Variants in ATOSA observed in about 807,000 individuals in gnomAD.
ATOSA encodes the protein atos homolog A, also known as atos homolog protein A.
chr15:52,611,688 G>A, the ATOSA span: 2 of 1,613,890 alleles, frequency 1.2e-6, no homozygotes, highest in Non-Finnish European at 1.7e-6. Context: ...TGTAGCAGCA[G>A]TCTGGTAGTA....
the ATOSA span, among the ~76,000 whole-genome samples, chr15:52,634,833 A>T: frequency 1.3e-5 from 2 of 152,106 alleles, no homozygotes; most frequent in African/African-American, 4.8e-5. Context: ...AATTCCTGAC[A>T]TCAGGTGATC....
At chr15:52,667,746 C>G in the ATOSA span, among the ~76,000 whole-genome samples, 9 of 152,282 alleles carry the variant, frequency 5.9e-5, no homozygotes, top group African/African-American at 1.9e-4. Context: ...CATGTTGTAT[C>G]TGGGGCTGAA....
the ATOSA span, among the ~76,000 whole-genome samples, chr15:52,698,268 C>T: frequency 7.2e-5 from 11 of 151,968 alleles, no homozygotes; most frequent in Non-Finnish European, 1.6e-4. Flanking sequence ...CATGAGCCAC[C>T]ACGCCTGTTC....
the ATOSA span, chr15:52,587,188 C>T: frequency 6.2e-7 from 1 of 1,613,418 alleles, no homozygotes. Flanking sequence ...TCGATAACCC[C>T]TTTTACCAAG....
At chr15:52,589,932 C>T in the ATOSA span, among the ~76,000 whole-genome samples, 4 of 151,908 alleles carry the variant, frequency 2.6e-5, no homozygotes, top group African/African-American at 4.8e-5. Flanking sequence ...GGATTATAGG[C>T]GCCCACCATC....
the ATOSA span, among the ~76,000 whole-genome samples, chr15:52,647,700 A>T: frequency 6.6e-6 from 1 of 152,198 alleles, no homozygotes; most frequent in Non-Finnish European, 1.5e-5. Context: ...GCAGGGGTCA[A>T]AGGGGTGGGG....
the ATOSA span, chr15:52,582,276 G>A: frequency 1.3e-6 from 2 of 1,586,316 alleles, no homozygotes; most frequent in Non-Finnish European, 8.5e-7. Context: ...TCTCTATGGA[G>A]GTAGATCTTT....
the ATOSA span, among the ~76,000 whole-genome samples, chr15:52,651,570 T>C: frequency 1.2e-4 from 19 of 152,216 alleles, no homozygotes; most frequent in Non-Finnish European, 1.5e-4. Context: ...CTTCCCTGTA[T>C]TCTCATTTCT....
chr15:52,639,893 G>A, the ATOSA span, among the ~76,000 whole-genome samples: 3 of 151,782 alleles, frequency 2.0e-5, no homozygotes, highest in Non-Finnish European at 4.4e-5. Context: ...TAGGATTACA[G>A]GCACCCGCCA....
At chr15:52,667,670 G>A in the ATOSA span, among the ~76,000 whole-genome samples, 1 of 152,142 alleles carries the variant, frequency 6.6e-6, no homozygotes, top group African/African-American at 2.4e-5. Flanking sequence ...GTGAAGAGTT[G>A]AAATGAAATA....
chr15:52,680,832 T>C, the ATOSA span, among the ~76,000 whole-genome samples: 1 of 152,244 alleles, frequency 6.6e-6, no homozygotes, highest in African/African-American at 2.4e-5. Flanking sequence ...TATTGAATAC[T>C]GTATTATGTA....
At chr15:52,590,733 G>T in the ATOSA span, 1 of 152,324 alleles carries the variant, frequency 6.6e-6, no homozygotes, top group African/African-American at 2.4e-5. Context: ...TTCATAGCAG[G>T]AAAGACTGGA....
chr15:52,600,999 T>TG, the ATOSA span: 1 of 785,172 alleles, frequency 1.3e-6, no homozygotes, highest in Non-Finnish European at 2.1e-6. Context: ...ACAATTCTGA[T>TG]GTTTAGAATC....
chr15:52,709,209 A>G, the ATOSA span, among the ~76,000 whole-genome samples: 2 of 152,108 alleles, frequency 1.3e-5, no homozygotes, highest in Non-Finnish European at 2.9e-5. Flanking sequence ...CCCAAAACCC[A>G]CGATTGATCA....
At chr15:52,653,009 C>T in the ATOSA span, among the ~76,000 whole-genome samples, 4 of 152,140 alleles carry the variant, frequency 2.6e-5, no homozygotes, top group Admixed American at 6.6e-5. Context: ...TTCCCCTGAA[C>T]GTCGCATCAA....
the ATOSA span, among the ~76,000 whole-genome samples, chr15:52,616,272 G>T: frequency 6.6e-6 from 1 of 152,192 alleles, no homozygotes; most frequent in Admixed American, 6.5e-5. Context: ...GGTGAGGAAG[G>T]GTTCTACGGT....
At chr15:52,695,676 T>C in the ATOSA span, among the ~76,000 whole-genome samples, 1 of 152,034 alleles carries the variant, frequency 6.6e-6, no homozygotes, top group African/African-American at 2.4e-5. Context: ...TGGTATGAGA[T>C]ATAAGAGGTA....
At chr15:52,611,359 G>A in the ATOSA span, 1 of 1,411,356 alleles carries the variant, frequency 7.1e-7, no homozygotes, top group African/African-American at 1.4e-5. Context: ...CAGGATTTGT[G>A]CTTTGAAGAG....
chr15:52,627,748 G>T, the ATOSA span, among the ~76,000 whole-genome samples: 2 of 151,992 alleles, frequency 1.3e-5, no homozygotes, highest in Middle Eastern at 3.4e-3. Flanking sequence ...TATTCACAAT[G>T]ATTTTAATTA....
Sources: allele counts gnomAD v4.1 joint callset (sites outside exome capture counted in the v4.1 genomes callset), GRCh38; gene constraint gnomAD v4.1.1; transcripts MANE v1.5; gene names NCBI Gene and HGNC (gene_info 2026-07-23, HGNC 2026-07-21).